Variants in TAOK1 observed in about 807,000 individuals in gnomAD.
TAOK1 encodes serine/threonine-protein kinase TAO1.
A neutral mutation model predicts 138.3 loss-of-function variants in TAOK1; 21 were observed. The observed-to-expected ratio is 0.15, with a 90% CI of 0.11 to 0.22. The LOEUF is 0.22. Ranked by LOEUF, TAOK1 falls within the 10% of genes least tolerant of loss-of-function variation. The probability of loss-of-function intolerance (pLI) is 1.00; values close to 1 mark genes in which losing one functional copy is unlikely to be tolerated. For missense variants in TAOK1, 651 were observed against 1,227.7 expected (o/e 0.53, Z 7.02); for synonymous variants, 361 against 398.4 (o/e 0.91, Z 1.12).
At chr17:29,419,231 T>A (rs1355748677) in intron 1 of TAOK1, among the ~76,000 whole-genome samples, 1 of 152,094 alleles carries the variant, frequency 6.6e-6, no homozygotes, top group Non-Finnish European at 1.5e-5. Flanking sequence ...AGTTTCACGC[T>A]TATTGACCAG....
intron 3 of TAOK1, among the ~76,000 whole-genome samples, chr17:29,474,452 T>G (rs978270133): frequency 6.6e-6 from 1 of 152,194 alleles, no homozygotes. Flanking sequence ...GTGACAGATG[T>G]GTGAGTATTC....
At chr17:29,533,311 C>T (rs1313874575) in intron 18 of TAOK1, among the ~76,000 whole-genome samples, 2 of 150,536 alleles carry the variant, frequency 1.3e-5, no homozygotes, top group Non-Finnish European at 3.0e-5. Context: ...CTCCTCACTT[C>T]CTAGATGGGA....
Position 29,477,648 on chromosome 17 carries a change from C to A in TAOK1, c.307-13C>A. ...ATAATATATTTTAATGCTTTTATAACTTTTCCATGTAGCTTGTAATGGAAT... is the reference window on the plus strand; with the variant it reads ...ATAATATATTTTAATGCTTTTATAAATTTTCCATGTAGCTTGTAATGGAAT... On this transcript the variant is annotated splice_polypyrimidine_tract_variant and intron_variant, in intron 4 of 19. Transcript: ENST00000261716. 7.4e-7 allele frequency: 1 copy of A among 1,347,794 alleles called. No homozygotes were observed. Among genetic ancestry groups the A allele is most frequent in the Non-Finnish European group, 9.7e-7 (1 of 1,034,936 alleles). 83.5% of individuals were successfully genotyped at this position (1,347,794 alleles called of 1,614,324 possible).
chr17:29,413,562 C>T (rs1240284759), intron 1 of TAOK1, among the ~76,000 whole-genome samples: 1 of 152,148 alleles, frequency 6.6e-6, no homozygotes, highest in African/African-American at 2.4e-5. Flanking sequence ...CGCCACTGCA[C>T]TCCAGCCTGG....
chr17:29,449,061 G>A (rs919191105), intron 1 of TAOK1, among the ~76,000 whole-genome samples: 1 of 152,100 alleles, frequency 6.6e-6, no homozygotes, highest in Non-Finnish European at 1.5e-5. Flanking sequence ...AGAAGATGCC[G>A]ATCATGGACC....
intron 3 of TAOK1, among the ~76,000 whole-genome samples, chr17:29,468,019 G>GT (rs1349160116): frequency 2.0e-5 from 3 of 151,060 alleles, no homozygotes; most frequent in Non-Finnish European, 4.4e-5. Context: ...TAGAGACAGG[G>GT]TGTCTCCATG....
At chr17:29,435,611 G>C (rs143809309) in intron 1 of TAOK1, among the ~76,000 whole-genome samples, 1 of 152,236 alleles carries the variant, frequency 6.6e-6, no homozygotes, top group Non-Finnish European at 1.5e-5. Context: ...CTGACCACAG[G>C]TCAGGAACCC....
At position 29,498,471 on chromosome 17, in the gene TAOK1, G is replaced by A; in HGVS notation, c.1153G>A (p.Glu385Lys). Residue 385 changes from glutamate to lysine, a missense_variant, in exon 12 of 20, where the codon GAG (glutamate) becomes AAG (lysine). This residue lies in a region of TAOK1 where 104 missense variants were observed against 151.7 expected (regional missense o/e 0.69). Coordinates refer to ENST00000261716, the MANE Select transcript of TAOK1 (RefSeq NM_020791.4). ...SDDKSELDMMEGDHTVMSNSS... is the reference protein window; with the variant it reads ...SDDKSELDMMKGDHTVMSNSS... ...TGACAAGAGTGAGCTAGACATGATG[G>A]AGGGAGACCACACAGTGATGTCTAA... The A allele has an allele frequency of 1.2e-6, 2 of 1,614,188 alleles. No homozygotes were observed. The highest frequency in any genetic ancestry group is 1.3e-5 in the African/African-American group (1 of 75,054).
intron 1 of TAOK1, among the ~76,000 whole-genome samples, chr17:29,397,607 C>CCCCCA (rs60665025): frequency 0.041 from 3,916 of 94,384 alleles, 228 homozygotes; most frequent in Middle Eastern, 0.087. Flanking sequence ...CGTCCCCCCC[C>CCCCCA]AAAAAAATAT....
chr17:29,423,027 C>T (rs981790653), intron 1 of TAOK1, among the ~76,000 whole-genome samples: 4 of 151,548 alleles, frequency 2.6e-5, no homozygotes, highest in African/African-American at 4.8e-5. Flanking sequence ...ACCGTTTCAA[C>T]GACAACAACA....
chr17:29,531,720 G>T (rs1397606226), intron 18 of TAOK1, among the ~76,000 whole-genome samples: 1 of 150,912 alleles, frequency 6.6e-6, no homozygotes, highest in African/African-American at 2.4e-5. Flanking sequence ...CCGAGATTGC[G>T]CCATTGCACT....
intron 3 of TAOK1, among the ~76,000 whole-genome samples, chr17:29,469,425 G>T (rs2153025912): frequency 6.6e-6 from 1 of 152,144 alleles, no homozygotes; most frequent in Middle Eastern, 3.4e-3. Flanking sequence ...TGCGTCTCTA[G>T]AATTCTTTTT....
chr17:29,523,120 TTA>T (rs1294873204), intron 17 of TAOK1, among the ~76,000 whole-genome samples: 1 of 151,812 alleles, frequency 6.6e-6, no homozygotes, highest in Non-Finnish European at 1.5e-5. Context: ...AAGGCCAATA[TTA>T]TATTCTACAT....
intron 2 of TAOK1, among the ~76,000 whole-genome samples, chr17:29,465,070 CT>C (rs2030626537): frequency 6.6e-6 from 1 of 150,858 alleles, no homozygotes; most frequent in Non-Finnish European, 1.5e-5. Context: ...ATCCACCCGC[CT>C]CGGCCTCCCA....
Position 29,522,435 on chromosome 17 carries a change from C to T in TAOK1, c.2064C>T (p.Asn688=), listed in dbSNP as rs370055441. Residue 688 remains asparagine (N), a synonymous_variant, in exon 17 of 20, where the codon AAC becomes AAT. Transcript: ENST00000261716. ...TACAGCATCAAACTGAGCTCACTAACCAGCTGGAATATAATAAGCGAAGAG... is the reference window on the plus strand; with the variant it reads ...TACAGCATCAAACTGAGCTCACTAATCAGCTGGAATATAATAAGCGAAGAG... The part of the protein sequence containing the change: ...IRLQHQTELT[N]QLEYNKRRER... The T allele has an allele frequency of 6.2e-7, 1 of 1,614,000 alleles. No individual in the cohort carries two copies. Among genetic ancestry groups the T allele is most frequent in the African/African-American group, 1.3e-5 (1 of 74,912 alleles).
chr17:29,465,192 T>C lies in TAOK1; in HGVS notation c.133-1953T>C, dbSNP rs149708235. Among the ~76,000 whole-genome samples the C allele has an allele frequency of 3.6e-3, 483 of 132,750 alleles. 11 individuals are homozygous for C. The East Asian group carries it at 0.088, about 24-fold the overall frequency. The allele number at this position is 132,750 out of a possible 152,430, so 87.1% of individuals were successfully genotyped here. A position where few individuals can be genotyped will look rare whatever the true frequency, so the allele number is the denominator to read the frequency against. On this transcript the variant is annotated intron_variant, in intron 2 of 19. Coordinates refer to ENST00000261716, the MANE Select transcript of TAOK1 (RefSeq NM_020791.4). ...TCTCACTCTGTTGCCCAGGCTGGAC[T>C]GCAATGGCTCAAGTGCAATGGCATG...
At chr17:29,442,343 C>T (rs1037078428) in intron 1 of TAOK1, among the ~76,000 whole-genome samples, 4 of 151,656 alleles carry the variant, frequency 2.6e-5, no homozygotes, top group Non-Finnish European at 5.9e-5. Context: ...CTTACTGAGC[C>T]ACTGCACCCA....
At chr17:29,528,508 G>C (rs7209462) in intron 17 of TAOK1, among the ~76,000 whole-genome samples, 2,002 of 152,106 alleles carry the variant, frequency 0.013, 44 homozygotes, top group African/African-American at 0.045. Context: ...CTCACATTTG[G>C]TACATAAACT....
intron 2 of TAOK1, among the ~76,000 whole-genome samples, chr17:29,460,080 T>C (rs997982421): frequency 2.0e-5 from 3 of 152,252 alleles, no homozygotes; most frequent in Non-Finnish European, 4.4e-5. Flanking sequence ...TAATGTTTCT[T>C]GCCCTTTTCC....
Sources: allele counts gnomAD v4.1 joint callset (sites outside exome capture counted in the v4.1 genomes callset), GRCh38; gene constraint gnomAD v4.1.1; regional missense constraint gnomAD v4.1.1; transcripts MANE v1.5; gene names NCBI Gene and HGNC (gene_info 2026-07-23, HGNC 2026-07-21).